IL1RN: variants seen among roughly 807,000 people sequenced by gnomAD.
The protein encoded by IL1RN is interleukin 1 receptor antagonist, also known as interleukin-1 receptor antagonist protein.
A neutral mutation model predicts 13.7 loss-of-function variants in IL1RN; 10 were observed. That is an observed-to-expected ratio of 0.73 (90% CI 0.45 to 1.24). The LOEUF is 1.24. Ranked by LOEUF, IL1RN falls within the 50% of genes most tolerant of loss-of-function variation. The pLI, the probability that IL1RN is intolerant of heterozygous loss-of-function variation, is 0.00. For missense variants in IL1RN, 213 were observed against 222.1 expected (o/e 0.96, Z 0.26); for synonymous variants, 102 against 82.7 (o/e 1.23, Z -1.27).
upstream of IL1RN, among the ~76,000 whole-genome samples, chr2:113,102,872 T>C (rs1283615952): frequency 6.6e-6 from 1 of 152,190 alleles, no homozygotes; most frequent in Non-Finnish European, 1.5e-5. Flanking sequence ...ACTTCTTTTG[T>C]GATTCTTCAC....
In IL1RN at chr2:113,127,614, G is replaced by C. The variant is rs1356187282; in HGVS notation, c.-11G>C. On this transcript the variant is annotated 5_prime_UTR_variant, in exon 1 of 4. Transcript: ENST00000409930. Reference sequence around the variant, plus strand: ...CGCAATGGCAGTCCACTGCCTTGCTGCAGTCACAGAATGGAAATCTGCAGA... The same window carrying C: ...CGCAATGGCAGTCCACTGCCTTGCTCCAGTCACAGAATGGAAATCTGCAGA... 1 of 1,613,682 alleles carries C rather than the reference G, an allele frequency of 6.2e-7. No homozygotes were observed. The highest frequency in any genetic ancestry group is 8.5e-7 in the Non-Finnish European group (1 of 1,179,858).
At chr2:113,120,567 G>C (rs548031519) in intron 2 of IL1RN, among the ~76,000 whole-genome samples, 115 of 152,290 alleles carry the variant, frequency 7.6e-4, no homozygotes, top group South Asian at 2.9e-3. Flanking sequence ...GAGGGGTTTG[G>C]CAAGGTGTAG....
At chr2:113,103,818 C>T (rs13432105), upstream of IL1RN, among the ~76,000 whole-genome samples, 83,438 of 151,190 alleles carry the variant, frequency 0.55, 24,286 homozygotes, top group African/African-American at 0.76. Flanking sequence ...TTCTGGGTGT[C>T]ATATGAATAT....
upstream of IL1RN, among the ~76,000 whole-genome samples, chr2:113,125,388 T>A (rs896701904): frequency 2.0e-5 from 3 of 152,216 alleles, no homozygotes; most frequent in African/African-American, 7.2e-5. Flanking sequence ...AGGAAGACAC[T>A]GTTTCTTGAA....
intron 1 of IL1RN, 37 bp from the exon 2 acceptor site, chr2:113,129,539 T>C: frequency 7.7e-7 from 1 of 1,300,362 alleles, no homozygotes; most frequent in South Asian, 1.2e-5. Flanking sequence ...GGGCACATGG[T>C]GGCTGTGCAC....
At chr2:113,118,874 TAAAAATACAAA>T (rs911536813) in intron 1 of IL1RN, among the ~76,000 whole-genome samples, 1 of 152,036 alleles carries the variant, frequency 6.6e-6, no homozygotes, top group Non-Finnish European at 1.5e-5. Context: ...CTGTCTCTAT[TAAAAATACAAA>T]AATTAGCTGG....
At chr2:113,126,764 G>T (rs145062098), upstream of IL1RN, among the ~76,000 whole-genome samples, 318 of 151,698 alleles carry the variant, frequency 2.1e-3, 3 homozygotes, top group Non-Finnish European at 3.9e-3. Flanking sequence ...AAGAGACAGA[G>T]GCTCAACTAA....
upstream of IL1RN, among the ~76,000 whole-genome samples, chr2:113,106,390 C>T (rs539540633): frequency 6.6e-6 from 1 of 152,178 alleles, no homozygotes; most frequent in African/African-American, 2.4e-5. Flanking sequence ...GATATGCATT[C>T]TTATCCTCAA....
At chr2:113,123,756 G>A (rs1686860076), upstream of IL1RN, among the ~76,000 whole-genome samples, 1 of 152,224 alleles carries the variant, frequency 6.6e-6, no homozygotes, top group Non-Finnish European at 1.5e-5. Context: ...TTGAATCATG[G>A]ATTTGAATCA....
intron 1 of IL1RN, among the ~76,000 whole-genome samples, chr2:113,119,381 G>A (rs1329088244): frequency 6.6e-6 from 1 of 152,248 alleles, no homozygotes; most frequent in Non-Finnish European, 1.5e-5. Flanking sequence ...CAGACAGCTA[G>A]TATAAGAGGA....
upstream of IL1RN, among the ~76,000 whole-genome samples, chr2:113,116,713 G>A (rs1351630635): frequency 6.6e-6 from 1 of 152,208 alleles, no homozygotes. Flanking sequence ...ATTGTAGGTG[G>A]CAAGATTGGT....
chr2:113,127,575 C>T, upstream of IL1RN: 7 of 1,605,388 alleles, frequency 4.4e-6, no homozygotes, highest in Non-Finnish European at 6.0e-6. Flanking sequence ...CTTTATAAAC[C>T]ACAACTCTGG....
chr2:113,127,586 G>T (rs1410121799), upstream of IL1RN: 3 of 1,610,192 alleles, frequency 1.9e-6, no homozygotes, highest in African/African-American at 1.3e-5. Context: ...ACAACTCTGG[G>T]CCCGCAATGG....
intron 2 of IL1RN, among the ~76,000 whole-genome samples, chr2:113,122,559 T>G (rs1399303428): frequency 2.0e-5 from 3 of 152,202 alleles, no homozygotes; most frequent in African/African-American, 7.2e-5. Context: ...ATTGTTAAAC[T>G]TTTACCAGCA....
the IL1RN span, among the ~76,000 whole-genome samples, chr2:113,100,341 AG>A: frequency 0.08 from 11,779 of 147,456 alleles, 630 homozygotes; most frequent in African/African-American, 0.1. Context: ...AAAAAAAAAA[AG>A]GCTGGAAAAC....
intron 2 of IL1RN, 54 bp downstream of exon 2, chr2:113,129,718 TCTGTCTGCAGCAGCATGGC>T: frequency 8.9e-7 from 1 of 1,117,522 alleles, no homozygotes; most frequent in South Asian, 1.2e-5. Context: ...ACTTTGCCCG[TCTGTCTGCAGCAGCATGGC>T]CTGCCTGCAC....
chr2:113,115,897 TC>T (rs1291300030), upstream of IL1RN, among the ~76,000 whole-genome samples: 1 of 152,142 alleles, frequency 6.6e-6, no homozygotes, highest in Non-Finnish European at 1.5e-5. Flanking sequence ...TGACTTGTAG[TC>T]CCCTGGCCCT....
chr2:113,129,835 G>C, intron 2 of IL1RN, 171 bp downstream of exon 2: 1 of 634,878 alleles, frequency 1.6e-6, no homozygotes, highest in Non-Finnish European at 2.9e-6. Context: ...GGGCACATAT[G>C]AGGGCAGCCT....
upstream of IL1RN, among the ~76,000 whole-genome samples, chr2:113,102,892 G>A (rs572497290): frequency 1.2e-4 from 18 of 152,324 alleles, no homozygotes; most frequent in South Asian, 3.3e-3. Context: ...CTTGCTTCAG[G>A]CCATCTGGAT....
Sources: gnomAD v4.1 joint callset for allele counts (sites outside exome capture counted in the v4.1 genomes callset) on GRCh38, gnomAD v4.1.1 for gene constraint, MANE v1.5 for transcripts, NCBI Gene and HGNC (gene_info 2026-07-23, HGNC 2026-07-21) for gene names.